The following LYSMD2 variants were observed in gnomAD, a reference collection of about 807,000 sequenced individuals.
The protein encoded by LYSMD2 is LysM domain containing 2.
LYSMD2 carries 6 observed loss-of-function variants against 17.7 expected under a neutral mutation model. The observed-to-expected ratio is 0.34, with a 90% confidence interval of 0.19 to 0.67. The LOEUF (loss-of-function observed/expected upper bound fraction) is 0.67, where lower values mean the gene tolerates loss of function less well. Among genes scored for constraint, LYSMD2 ranks in the 30% least tolerant of loss-of-function variants. The probability of loss-of-function intolerance (pLI) is 0.69; values close to 1 mark genes in which losing one functional copy is unlikely to be tolerated. For missense variants in LYSMD2, 237 were observed against 286.7 expected (o/e 0.83, Z 1.25); for synonymous variants, 102 against 129.8 (o/e 0.79, Z 1.45).
At chr15:51,741,868 C>G (rs377041618), upstream of LYSMD2, among the ~76,000 whole-genome samples, 2 of 151,384 alleles carry the variant, frequency 1.3e-5, no homozygotes, top group African/African-American at 4.9e-5. Context: ...TACAGTGACC[C>G]GAGATAGCAA....
At chr15:51,750,549 C>T (rs1002405060) in intron 1 of LYSMD2, among the ~76,000 whole-genome samples, 3 of 152,218 alleles carry the variant, frequency 2.0e-5, no homozygotes, top group African/African-American at 4.8e-5. Flanking sequence ...ACTTGCAAAA[C>T]TCAACGAACC....
At position 51,723,352 on chromosome 15, in the gene LYSMD2, AAACT is replaced by A. The variant is rs935481162; in HGVS notation, c.*251_*254del. On this transcript the variant is annotated 3_prime_UTR_variant, in exon 3 of 3. Transcript: ENST00000267838. ...TTAGTATTTATAAAAGCTAGTCTAA[AAACT>A]AACACCACCTACAAAAGTGATGAGC... 2.3e-5 allele frequency: 8 copies of A among 355,378 alleles called. No individual in the cohort carries two copies. The highest frequency in any genetic ancestry group is 1.7e-4 in the African/African-American group (8 of 46,782). 22.0% of individuals were successfully genotyped at this position (355,378 alleles called of 1,614,324 possible).
chr15:51,737,399 A>G lies in LYSMD2; in HGVS notation c.224T>C (p.Val75Ala). The part of the protein sequence containing the change: ...GVIERHVEHR[V>A]RAGDTLQGIA... ...GCCCTGCAGCGTGTCGCCCGCGCGG[A>G]CCCGGTGCTCCACATGGCGCTCGAT... Residue 75 changes from valine to alanine, a missense_variant, in exon 1 of 3, where the codon GTC (valine) becomes GCC (alanine). Transcript: ENST00000267838. This position sits in a 1 kb window ranked among gnomAD's most constrained non-coding sequence, Gnocchi z 4.2. 1 of 1,456,902 alleles carries G rather than the reference A, an allele frequency of 6.9e-7. No homozygotes were observed. Among genetic ancestry groups the G allele is most frequent in the Non-Finnish European group, 9.0e-7 (1 of 1,110,076 alleles). The allele number at this position is 1,456,902 out of a possible 1,614,324, so 90.2% of individuals were successfully genotyped here.
chr15:51,746,858 A>G (rs1170475557), intron 1 of LYSMD2, among the ~76,000 whole-genome samples: 1 of 151,980 alleles, frequency 6.6e-6, no homozygotes, highest in Non-Finnish European at 1.5e-5. Context: ...TAATCATGAT[A>G]CTGTTGTCAC....
chr15:51,751,248 C>T, intron 1 of LYSMD2: 1 of 701,888 alleles, frequency 1.4e-6, no homozygotes, highest in Non-Finnish European at 2.6e-6. Context: ...GCCAGGAAAA[C>T]CTGGGGCGGG....
chr15:51,737,373 T>A lies in LYSMD2; in HGVS notation c.250A>T (p.Ile84Phe). 2 of 1,451,760 alleles carry A rather than the reference T, an allele frequency of 1.4e-6. No homozygotes were observed. Among genetic ancestry groups the A allele is most frequent in the Non-Finnish European group, 1.8e-6 (2 of 1,107,046 alleles). The allele number at this position is 1,451,760 out of a possible 1,614,324, so 89.9% of individuals were successfully genotyped here. ...RVRAGDTLQG[I>F]ALKYGVTMEQ... is the part of the protein sequence containing the mutation. ...ACCGTGACACCGTACTTGAGCGCGA[T>A]GCCCTGCAGCGTGTCGCCCGCGCGG... The change falls in exon 1 of 3, where the codon ATC (isoleucine) becomes TTC (phenylalanine). Residue 84 changes from isoleucine to phenylalanine, a missense_variant. By Grantham distance (21) the Ile-to-Phe change is conservative. Transcript: ENST00000267838. The surrounding 1 kb of genome is among the most constrained non-coding windows in gnomAD (Gnocchi z 4.2).
chr15:51,728,707 TA>T (rs2055556746), intron 1 of LYSMD2, among the ~76,000 whole-genome samples: 2 of 149,844 alleles, frequency 1.3e-5, no homozygotes. Context: ...CCATCTTTAC[TA>T]AAAATACAAA....
upstream of LYSMD2, among the ~76,000 whole-genome samples, chr15:51,742,125 C>A (rs1324888466): frequency 1.3e-5 from 2 of 151,940 alleles, no homozygotes; most frequent in African/African-American, 4.8e-5. Context: ...ACCTCCACTT[C>A]CTGGGTTCAA....
intron 1 of LYSMD2, among the ~76,000 whole-genome samples, chr15:51,750,797 C>T (rs1442845753): frequency 1.3e-5 from 2 of 152,168 alleles, no homozygotes; most frequent in African/African-American, 2.4e-5. Flanking sequence ...GCAGACAGAA[C>T]ATCTCAGGGT....
At chr15:51,727,255 G>A (rs573119338) in intron 1 of LYSMD2, among the ~76,000 whole-genome samples, 3 of 152,218 alleles carry the variant, frequency 2.0e-5, no homozygotes, top group Admixed American at 6.5e-5. Context: ...TTTTAAGAAC[G>A]GCATTACCCA....
At chr15:51,743,966 T>C (rs2055655143) in intron 1 of LYSMD2, among the ~76,000 whole-genome samples, 1 of 152,224 alleles carries the variant, frequency 6.6e-6, no homozygotes, top group East Asian at 1.9e-4. Flanking sequence ...TCTTGTATCC[T>C]ACAATCTTGT....
At chr15:51,741,516 AT>A (rs1486420375), upstream of LYSMD2, among the ~76,000 whole-genome samples, 1 of 152,246 alleles carries the variant, frequency 6.6e-6, no homozygotes, top group Admixed American at 6.5e-5. Flanking sequence ...GTATAATTCA[AT>A]GCTTTTCTGC....
chr15:51,724,925 G>C lies in LYSMD2; in HGVS notation c.470C>G (p.Pro157Arg). Reference sequence around the variant, plus strand: ...ATCAGATTCTTGAGGACTGGGAGGAGGGAGGTCTTCCCCGGCCACCACTGG... The same window carrying C: ...ATCAGATTCTTGAGGACTGGGAGGACGGAGGTCTTCCCCGGCCACCACTGG... ...EEPVVAGEDL[P>R]PPSPQESDVQ... is the part of the protein sequence containing the mutation. The change falls in exon 2 of 3, where the codon CCT becomes CGT. Residue 157 changes from proline to arginine, a missense_variant. Coordinates refer to ENST00000267838, the MANE Select transcript of LYSMD2 (RefSeq NM_153374.3). 1 of 1,614,068 alleles carries C rather than the reference G, an allele frequency of 6.2e-7. No individual in the cohort carries two copies.
chr15:51,734,369 C>T (rs1016180964), intron 1 of LYSMD2, among the ~76,000 whole-genome samples: 2 of 152,204 alleles, frequency 1.3e-5, no homozygotes, highest in Non-Finnish European at 2.9e-5. Flanking sequence ...GCCCTGCTGC[C>T]AGCCCTTCAG....
At chr15:51,737,714 G>A, upstream of LYSMD2, 1 of 967,472 alleles carries the variant, frequency 1.0e-6, no homozygotes, top group Non-Finnish European at 1.3e-6. The surrounding 1 kb of genome is among the most constrained non-coding windows in gnomAD (Gnocchi z 4.2). Flanking sequence ...CCTCTTCACA[G>A]GGGCTGCAGC....
chr15:51,728,367 C>T (rs55712231), intron 1 of LYSMD2, among the ~76,000 whole-genome samples: 2,008 of 149,396 alleles, frequency 0.013, 47 homozygotes, highest in African/African-American at 0.047. Flanking sequence ...TGCACTGAGC[C>T]GAGATCACAA....
At position 51,735,024 on chromosome 15, in the gene LYSMD2, A is replaced by C. The variant is rs187754899; in HGVS notation, c.273+2326T>G. On this transcript the variant is annotated intron_variant, in intron 1 of 2. Transcript: ENST00000267838. ...ACCCCATTTCTACAAAAAATACAAAAATTAGCTGGGCATGTGGCTTGAGCC... is the reference window on the plus strand; with the variant it reads ...ACCCCATTTCTACAAAAAATACAAACATTAGCTGGGCATGTGGCTTGAGCC... 3.7e-3 allele frequency among the ~76,000 whole-genome samples: 569 copies of C among 152,102 alleles called. 4 individuals are homozygous for C. The highest frequency in any genetic ancestry group is 0.013 in the African/African-American group (548 of 41,456).
intron 1 of LYSMD2, among the ~76,000 whole-genome samples, chr15:51,745,114 G>C (rs1354632087): frequency 1.5e-4 from 23 of 152,136 alleles, no homozygotes; most frequent in Admixed American, 1.5e-3. Flanking sequence ...CACTGAATTT[G>C]TCATTTTTAA....
rs1268277368 is a variant in LYSMD2 at position 51,747,789 on chromosome 15, A to G, written c.-1+3482T>C. 2.6e-5 allele frequency among the ~76,000 whole-genome samples: 4 copies of G among 152,228 alleles called. 1 individual carries two copies. Among genetic ancestry groups the G allele is most frequent in the African/African-American group, 2.4e-5 (1 of 41,458 alleles). On this transcript the variant is annotated intron_variant, in intron 1 of 2. Transcript: ENST00000454181. ...TATCATTTAACATGATCATGATTACATAGTAATTAGCTTTTAGATGTTTGC... is the reference window on the plus strand; with the variant it reads ...TATCATTTAACATGATCATGATTACGTAGTAATTAGCTTTTAGATGTTTGC...
Sources: gnomAD v4.1 joint callset for allele counts (sites outside exome capture counted in the v4.1 genomes callset) on GRCh38, gnomAD v4.1.1 for gene constraint, Gnocchi (gnomAD v3.1) non-coding constraint, MANE v1.5 for transcripts, NCBI Gene and HGNC (gene_info 2026-07-23, HGNC 2026-07-21) for gene names.